The following PCDHGA1 variants were observed in gnomAD, a reference collection of about 807,000 sequenced individuals.
PCDHGA1 encodes protocadherin gamma-A1.
A neutral mutation model predicts 58.0 loss-of-function variants in PCDHGA1; 32 were observed. The ratio of observed to expected loss-of-function variants is 0.55; its 90% CI spans 0.42 to 0.74. The LOEUF (loss-of-function observed/expected upper bound fraction) is 0.74. Ranked by LOEUF, PCDHGA1 falls within the 30% of genes least tolerant of loss-of-function variation. The pLI is 0.00. For missense variants in PCDHGA1, 1,205 were observed against 1,182.3 expected (o/e 1.02, Z -0.28); for synonymous variants, 498 against 501.1 (o/e 0.99, Z 0.08).
chr5:141,372,115 T>C, intron 1 of PCDHGA1: 1 of 1,613,758 alleles, frequency 6.2e-7, no homozygotes, highest in Non-Finnish European at 8.5e-7. Flanking sequence ...GGCTCTGCGC[T>C]CTTCGATATG....
intron 1 of PCDHGA1, chr5:141,442,062 G>A (rs1001398926): frequency 7.0e-5 from 13 of 185,900 alleles, no homozygotes; most frequent in Admixed American, 1.3e-4. Context: ...GGTGCACTGC[G>A]GTGGACAGCC....
chr5:141,350,729 G>A (rs763719542), intron 1 of PCDHGA1: 103 of 1,613,848 alleles, frequency 6.4e-5, no homozygotes, highest in Middle Eastern at 1.6e-4. Context: ...TGCTCAAGAT[G>A]CAGATGTGGA....
At chr5:141,349,617 A>G (rs975826979) in intron 1 of PCDHGA1, among the ~76,000 whole-genome samples, 2 of 152,172 alleles carry the variant, frequency 1.3e-5, no homozygotes, top group African/African-American at 4.8e-5. Flanking sequence ...GTATTACTGA[A>G]TTGATAACAT....
In PCDHGA1 at chr5:141,441,877, C is replaced by T. The variant is rs945298341; in HGVS notation, c.2422-52930C>T. ...GCTGCACGCCGCGGAGCCTGGCTACCTGGTCACCAAGGTGGTGGCTGTAGA... is the reference window on the plus strand; with the variant it reads ...GCTGCACGCCGCGGAGCCTGGCTACTTGGTCACCAAGGTGGTGGCTGTAGA... On this transcript the variant is annotated intron_variant, in intron 1 of 3. Transcript: ENST00000517417. 4 of 343,582 alleles carry T rather than the reference C, an allele frequency of 1.2e-5. No homozygotes were observed. In the Admixed American group the frequency reaches 1.6e-4, roughly 13 times the overall value. 21.3% of individuals were successfully genotyped at this position (343,582 alleles called of 1,614,324 possible).
chr5:141,456,698 C>T (rs1466672057), intron 1 of PCDHGA1, among the ~76,000 whole-genome samples: 1 of 152,132 alleles, frequency 6.6e-6, no homozygotes, highest in Non-Finnish European at 1.5e-5. Flanking sequence ...GGCGTGGTGG[C>T]TCGCGCCTGT....
At chr5:141,481,722 G>A (rs546676646) in intron 1 of PCDHGA1, among the ~76,000 whole-genome samples, 1 of 152,214 alleles carries the variant, frequency 6.6e-6, no homozygotes, top group African/African-American at 2.4e-5. Flanking sequence ...GGGAGGCGGA[G>A]GCGGGCGGAT....
rs953397576 is a variant in PCDHGA1, at chr5:141,410,111, G to A, written c.2421+77006G>A. 6 of 1,612,264 alleles carry A rather than the reference G, an allele frequency of 3.7e-6. No homozygotes were observed. In the African/African-American group the frequency reaches 6.7e-5, roughly 18 times the overall value. On this transcript the variant is annotated intron_variant, in intron 1 of 3. Transcript: ENST00000517417. ...GGCTCGAGCCTTAGGCGACAGGGACGCAGCCCGCCAGCGCCTGCTGGTCGC... is the reference window on the plus strand; with the variant it reads ...GGCTCGAGCCTTAGGCGACAGGGACACAGCCCGCCAGCGCCTGCTGGTCGC...
In PCDHGA1 at chr5:141,485,869, G is replaced by A; in HGVS notation, c.2422-8938G>A. On this transcript the variant is annotated intron_variant, in intron 1 of 3. Coordinates refer to ENST00000517417, the MANE Select transcript of PCDHGA1 (RefSeq NM_018912.3). The surrounding 1 kb of genome is among the most constrained non-coding windows in gnomAD (Gnocchi z 5.7). ...GCACCGCAGAGCTCCGGGTATCCGT[G>A]CTGGACGTAAACGACAACGCCCCAG... is the stretch of plus-strand genomic sequence containing the variant. 1 of 1,614,176 alleles carries A rather than the reference G, an allele frequency of 6.2e-7. No individual in the cohort carries two copies. The highest frequency in any genetic ancestry group is 8.5e-7 in the Non-Finnish European group (1 of 1,180,040).
chr5:141,389,588 C>T (rs2091837140), intron 1 of PCDHGA1: 3 of 1,613,150 alleles, frequency 1.9e-6, no homozygotes, highest in Non-Finnish European at 2.5e-6. Flanking sequence ...TGGGTCCCGA[C>T]GGCTCTGCGC....
chr5:141,463,500 G>A (rs866521006), intron 1 of PCDHGA1, among the ~76,000 whole-genome samples: 30 of 139,838 alleles, frequency 2.1e-4, no homozygotes, highest in African/African-American at 7.0e-4. Context: ...CCAGGCTGGA[G>A]TGACGTGGCG....
rs1377364370 is a variant in PCDHGA1, at chr5:141,477,489, C to T, written c.2422-17318C>T. 1 of 1,614,048 alleles carries T rather than the reference C, an allele frequency of 6.2e-7. No homozygotes were observed. Among genetic ancestry groups the T allele is most frequent in the Non-Finnish European group, 8.5e-7 (1 of 1,180,044 alleles). On this transcript the variant is annotated intron_variant, in intron 1 of 3. Coordinates refer to ENST00000517417, the MANE Select transcript of PCDHGA1 (RefSeq NM_018912.3). This position sits in a 1 kb window ranked among gnomAD's most constrained non-coding sequence, Gnocchi z 4.9. ...ATCAATGACAACCCTCCACAATCTT[C>T]TCAATCTTCCTACGACGTTTACATT...
At chr5:141,365,469 G>T (rs1162637484) in intron 1 of PCDHGA1, 1 of 1,614,010 alleles carries the variant, frequency 6.2e-7, no homozygotes, top group South Asian at 1.1e-5. Flanking sequence ...GGAGAAAATG[G>T]TGAGATTGCA....
At chr5:141,435,884 C>G (rs1020738994) in intron 1 of PCDHGA1, among the ~76,000 whole-genome samples, 9 of 152,070 alleles carry the variant, frequency 5.9e-5, no homozygotes, top group African/African-American at 1.9e-4. Flanking sequence ...ATTGGAAACC[C>G]CTTAGAGAAT....
Position 141,375,419 on chromosome 5 carries a change from A to G in PCDHGA1, c.2421+42314A>G, listed in dbSNP as rs756318329. The G allele has an allele frequency of 1.9e-6, 3 of 1,613,982 alleles. No homozygotes were observed. The South Asian group carries it at 3.3e-5, about 18-fold the overall frequency. The stretch of plus-strand genomic sequence containing the variant: ...CATCTCTCTAAATGTGGCAGACACC[A>G]ACGACAACCCGCCCACCTTCCCCCA... On this transcript the variant is annotated intron_variant, in intron 1 of 3. Coordinates refer to ENST00000517417, the MANE Select transcript of PCDHGA1 (RefSeq NM_018912.3).
At chr5:141,363,093 G>A (rs992729487) in intron 1 of PCDHGA1, among the ~76,000 whole-genome samples, 1 of 152,222 alleles carries the variant, frequency 6.6e-6, no homozygotes, top group African/African-American at 2.4e-5. Context: ...ATTTCTAAAG[G>A]ACAGGCAATG....
At chr5:141,384,447 G>T in intron 1 of PCDHGA1, 1 of 1,614,008 alleles carries the variant, frequency 6.2e-7, no homozygotes, top group African/African-American at 1.3e-5. Flanking sequence ...TCCTGTACGC[G>T]CTGCAATCCT....
At chr5:141,456,647 C>G (rs773458307) in intron 1 of PCDHGA1, among the ~76,000 whole-genome samples, 2 of 152,152 alleles carry the variant, frequency 1.3e-5, no homozygotes, top group African/African-American at 4.8e-5. Context: ...AGGTGTTAAT[C>G]CCAAAGAAGC....
At chr5:141,447,656 C>T (rs1352103605) in intron 1 of PCDHGA1, among the ~76,000 whole-genome samples, 1 of 152,056 alleles carries the variant, frequency 6.6e-6, no homozygotes, top group Non-Finnish European at 1.5e-5. Flanking sequence ...ATTTTCCCCC[C>T]CAGGAAGTTA....
chr5:141,361,425 G>A (rs1318279752), intron 1 of PCDHGA1: 1 of 1,614,000 alleles, frequency 6.2e-7, no homozygotes, highest in Admixed American at 1.7e-5. Flanking sequence ...GGGGCAAGCC[G>A]CCCCTCTCCT....
Sources: gnomAD v4.1 joint callset for allele counts (sites outside exome capture counted in the v4.1 genomes callset) on GRCh38, gnomAD v4.1.1 for gene constraint, Gnocchi (gnomAD v3.1) non-coding constraint, MANE v1.5 for transcripts, NCBI Gene and HGNC (gene_info 2026-07-23, HGNC 2026-07-21) for gene names.